Variants in TRIM5 observed in about 807,000 individuals in gnomAD.
The protein encoded by TRIM5 is tripartite motif-containing protein 5.
A neutral mutation model predicts 35.6 loss-of-function variants in TRIM5; 31 were observed. That is an observed-to-expected ratio of 0.87 (90% confidence interval 0.65 to 1.18). TRIM5 has a LOEUF of 1.18. Among genes scored for constraint, TRIM5 ranks in the 50% most tolerant of loss-of-function variants. TRIM5 has a pLI of 0.00. For synonymous variants in TRIM5, 243 were observed against 215.6 expected (o/e 1.13, Z -1.11); for missense variants, 609 against 591.6 (o/e 1.03, Z -0.31).
the TRIM5 span, among the ~76,000 whole-genome samples, chr11:5,608,875 G>A: frequency 1.8e-5 from 1 of 56,844 alleles, no homozygotes. Context: ...TTTTGAGACA[G>A]AGTTTCACTC....
the TRIM5 span, chr11:5,603,843 A>G: frequency 6.8e-7 from 1 of 1,469,450 alleles, no homozygotes; most frequent in Non-Finnish European, 9.0e-7. Context: ...TTACCTAGAG[A>G]ATGAACCTGG....
At chr11:5,634,646 G>T in the TRIM5 span, 1 of 1,613,016 alleles carries the variant, frequency 6.2e-7, no homozygotes, top group Non-Finnish European at 8.5e-7. Flanking sequence ...GGTACAAACT[G>T]AGAGACAAAG....
the TRIM5 span, among the ~76,000 whole-genome samples, chr11:5,622,129 T>A: frequency 6.6e-6 from 1 of 152,100 alleles, no homozygotes; most frequent in Admixed American, 6.6e-5. Flanking sequence ...TCCATTGAAC[T>A]CAGAGAAATG....
the TRIM5 span, among the ~76,000 whole-genome samples, chr11:5,601,266 C>T: frequency 5.3e-5 from 8 of 152,184 alleles, no homozygotes; most frequent in Non-Finnish European, 1.0e-4. Flanking sequence ...AAGCTTTGAA[C>T]TAGCACCCTG....
At chr11:5,638,092 C>T in the TRIM5 span, among the ~76,000 whole-genome samples, 12 of 152,202 alleles carry the variant, frequency 7.9e-5, no homozygotes, top group Non-Finnish European at 1.6e-4. Context: ...ATCCTTACAT[C>T]CCTACCAGCC....
At chr11:5,676,795 G>A (rs1290211877) in intron 4 of TRIM5, among the ~76,000 whole-genome samples, 2 of 151,052 alleles carry the variant, frequency 1.3e-5, no homozygotes, top group Admixed American at 1.3e-4. Flanking sequence ...CAGAAATAAC[G>A]ACGCATATCT....
the TRIM5 span, among the ~76,000 whole-genome samples, chr11:5,630,821 C>T: frequency 6.6e-6 from 1 of 152,186 alleles, no homozygotes; most frequent in East Asian, 1.9e-4. Flanking sequence ...TCTTAGGTGA[C>T]TGTTTACTTT....
At chr11:5,607,836 TAATCAAAA>T in the TRIM5 span, among the ~76,000 whole-genome samples, 2 of 152,286 alleles carry the variant, frequency 1.3e-5, no homozygotes, top group Non-Finnish European at 2.9e-5. Context: ...GTGTATATAT[TAATCAAAA>T]TCATAAGGAA....
chr11:5,641,190 G>A, the TRIM5 span: 1 of 1,613,390 alleles, frequency 6.2e-7, no homozygotes, highest in South Asian at 1.1e-5. Flanking sequence ...TCATGAAATG[G>A]TGCGTATGGG....
the TRIM5 span, chr11:5,634,522 C>T: frequency 1.5e-5 from 10 of 662,920 alleles, no homozygotes; most frequent in African/African-American, 1.7e-4. Flanking sequence ...CACACACACA[C>T]ACACACACAT....
At chr11:5,605,573 G>T in the TRIM5 span, 1 of 1,609,806 alleles carries the variant, frequency 6.2e-7, no homozygotes, top group East Asian at 2.2e-5. Context: ...TGCAGGTAAG[G>T]CTTGTGAAGG....
At chr11:5,663,170 C>T (rs1976338), downstream of TRIM5, 15,737 of 858,210 alleles carry the variant, frequency 0.018, 177 homozygotes, top group Non-Finnish European at 0.021. Flanking sequence ...AAAAGCCCAA[C>T]ACCATAATGG....
At chr11:5,645,690 C>CT in the TRIM5 span, 1 of 160,660 alleles carries the variant, frequency 6.2e-6, no homozygotes, top group Non-Finnish European at 1.3e-5. Flanking sequence ...CCTACCTTTC[C>CT]TTCTTCAGAA....
the TRIM5 span, among the ~76,000 whole-genome samples, chr11:5,655,061 C>T: frequency 2.6e-5 from 4 of 151,768 alleles, no homozygotes; most frequent in East Asian, 3.9e-4. Flanking sequence ...GGCGTGGTGG[C>T]GGGCACCTGT....
chr11:5,642,282 C>T, the TRIM5 span: 19 of 774,590 alleles, frequency 2.5e-5, no homozygotes, highest in Non-Finnish European at 3.7e-5. Context: ...CCTTCTCCCC[C>T]TCCTCAGGCT....
At chr11:5,679,447 C>A (rs1300597616) in intron 2 of TRIM5, among the ~76,000 whole-genome samples, 1 of 152,122 alleles carries the variant, frequency 6.6e-6, no homozygotes, top group Non-Finnish European at 1.5e-5. Context: ...AAACTTACAT[C>A]TCAACCCACT....
At chr11:5,671,940 G>A (rs187415856) in intron 4 of TRIM5, among the ~76,000 whole-genome samples, 2 of 151,832 alleles carry the variant, frequency 1.3e-5, no homozygotes, top group African/African-American at 4.8e-5. Context: ...ACTTCCAAAG[G>A]CTACAATCAA....
the TRIM5 span, among the ~76,000 whole-genome samples, chr11:5,638,041 C>G: frequency 2.0e-5 from 3 of 152,148 alleles, no homozygotes; most frequent in African/African-American, 7.2e-5. Flanking sequence ...TCAGCACTAT[C>G]AAGAATGAAT....
At chr11:5,626,157 C>T in the TRIM5 span, among the ~76,000 whole-genome samples, 3 of 152,160 alleles carry the variant, frequency 2.0e-5, no homozygotes, top group Admixed American at 2.0e-4. Context: ...CTCCCAGAGG[C>T]GTCTAGTCAG....
Sources: gnomAD v4.1 joint callset for allele counts (sites outside exome capture counted in the v4.1 genomes callset) on GRCh38, gnomAD v4.1.1 for gene constraint, MANE v1.5 for transcripts, NCBI Gene and HGNC (gene_info 2026-07-23, HGNC 2026-07-21) for gene names.